SLCO3A1: variants seen among roughly 807,000 people sequenced by gnomAD.
SLCO3A1 encodes PGE1 transporter.
SLCO3A1 carries 27 observed loss-of-function variants against 63.1 expected under a neutral mutation model. That is an observed-to-expected ratio of 0.43 (90% CI 0.32 to 0.59). The LOEUF (loss-of-function observed/expected upper bound fraction) is 0.59, where lower values mean the gene tolerates loss of function less well. Ranked by LOEUF, SLCO3A1 falls within the 20% of genes least tolerant of loss-of-function variation. The pLI, the probability that SLCO3A1 is intolerant of heterozygous loss-of-function variation, is 0.09. For missense variants in SLCO3A1, 773 were observed against 945.8 expected (o/e 0.82, Z 2.40); for synonymous variants, 473 against 409.9 (o/e 1.15, Z -1.86).
intron 2 of SLCO3A1, among the ~76,000 whole-genome samples, chr15:91,996,867 G>T (rs2046198260): frequency 6.6e-6 from 1 of 152,058 alleles, no homozygotes; most frequent in Admixed American, 6.5e-5. Context: ...AGTATGAAAA[G>T]CCAAAAATTT....
At position 92,049,573 on chromosome 15, in the gene SLCO3A1, G is replaced by C. The variant is rs933277503; in HGVS notation, c.647-45308G>C. On this transcript the variant is annotated intron_variant, in intron 2 of 9. Coordinates refer to ENST00000318445, the MANE Select transcript of SLCO3A1 (RefSeq NM_013272.4). ...CATCCTACAAAGTGAAACCACTGGAGATGTGGGCAGACACATCTGTTTCTT... is the reference window on the plus strand; with the variant it reads ...CATCCTACAAAGTGAAACCACTGGACATGTGGGCAGACACATCTGTTTCTT... Among the ~76,000 whole-genome samples, 11 of 152,182 alleles carry C rather than the reference G, an allele frequency of 7.2e-5. 1 individual carries two copies. The highest frequency in any genetic ancestry group is 1.5e-4 in the Non-Finnish European group (10 of 68,032).
chr15:91,920,874 G>C (rs1898820514), intron 2 of SLCO3A1, among the ~76,000 whole-genome samples: 1 of 152,154 alleles, frequency 6.6e-6, no homozygotes, highest in African/African-American at 2.4e-5. Context: ...GGTATCTAAA[G>C]CTTAGTTAGC....
At chr15:92,098,764 G>T (rs1210610798) in intron 3 of SLCO3A1, among the ~76,000 whole-genome samples, 1 of 152,072 alleles carries the variant, frequency 6.6e-6, no homozygotes, top group East Asian at 1.9e-4. Flanking sequence ...TTTGAATCCT[G>T]ACTACACCCC....
rs578007342 is a variant in SLCO3A1 at position 91,907,952 on chromosome 15, G to A, written c.181-8041G>A. Among the ~76,000 whole-genome samples, 4 of 152,266 alleles carry A rather than the reference G, an allele frequency of 2.6e-5. No individual in the cohort carries two copies. The East Asian group carries it at 7.7e-4, about 29-fold the overall frequency. ...GGCAGTACAGAGGCCCAGAGAGAGA[G>A]AGCCAGCAGCTTTCATGATCCTGCT... On this transcript the variant is annotated intron_variant, in intron 1 of 9. Coordinates refer to ENST00000318445, the MANE Select transcript of SLCO3A1 (RefSeq NM_013272.4).
downstream of SLCO3A1, among the ~76,000 whole-genome samples, chr15:92,166,135 G>A (rs1352051047): frequency 6.6e-6 from 1 of 152,122 alleles, no homozygotes; most frequent in Non-Finnish European, 1.5e-5. Context: ...CTCTCTAGGG[G>A]ACAGGGTTTG....
rs1897697259 is a variant in SLCO3A1, at chr15:91,885,364, G to A, written c.181-30629G>A. 6.6e-6 allele frequency among the ~76,000 whole-genome samples: 1 copy of A among 152,210 alleles called. No individual in the cohort carries two copies. Among genetic ancestry groups the A allele is most frequent in the Non-Finnish European group, 1.5e-5 (1 of 68,042 alleles). ...GAGGTCAGGAGCTTCCTAAGCTCCT[G>A]TATCAAGAGACAGAGGACATCTGAA... is the stretch of plus-strand genomic sequence containing the variant. On this transcript the variant is annotated intron_variant, in intron 1 of 9. Coordinates refer to ENST00000318445, the MANE Select transcript of SLCO3A1 (RefSeq NM_013272.4). The surrounding 1 kb of genome is among the most constrained non-coding windows in gnomAD (Gnocchi z 4.7).
chr15:92,026,680 C>T (rs1438903990), intron 2 of SLCO3A1, among the ~76,000 whole-genome samples: 1 of 152,168 alleles, frequency 6.6e-6, no homozygotes, highest in Non-Finnish European at 1.5e-5. Flanking sequence ...AGGAAAGAGA[C>T]ATGTACAAAG....
At chr15:91,949,888 T>C (rs1221632819) in intron 2 of SLCO3A1, among the ~76,000 whole-genome samples, 2 of 152,146 alleles carry the variant, frequency 1.3e-5, no homozygotes, top group Non-Finnish European at 2.9e-5. Context: ...ACACCTGTGT[T>C]TCCAGCTACT....
Position 92,165,520 on chromosome 15 carries a change from T to A in SLCO3A1, c.*2385T>A. Reference sequence around the variant, plus strand: ...GCTTTGAGAGAAAAAAAAAAGAAAGTTTTTTAAACTCTTTGCATTTTGGAT... The same window carrying A: ...GCTTTGAGAGAAAAAAAAAAGAAAGATTTTTAAACTCTTTGCATTTTGGAT... On this transcript the variant is annotated 3_prime_UTR_variant, in exon 10 of 10. Coordinates refer to ENST00000318445, the MANE Select transcript of SLCO3A1 (RefSeq NM_013272.4). 1 of 983,794 alleles carries A rather than the reference T, an allele frequency of 1.0e-6. No individual in the cohort carries two copies. Among genetic ancestry groups the A allele is most frequent in the Non-Finnish European group, 1.2e-6 (1 of 828,698 alleles). 60.9% of individuals were successfully genotyped at this position (983,794 alleles called of 1,614,324 possible).
intron 2 of SLCO3A1, among the ~76,000 whole-genome samples, chr15:92,027,077 G>A (rs1295791809): frequency 1.4e-5 from 2 of 141,562 alleles, no homozygotes; most frequent in African/African-American, 5.4e-5. Flanking sequence ...GTGACAGAGT[G>A]AGACTTTGTC....
intron 7 of SLCO3A1, among the ~76,000 whole-genome samples, chr15:92,139,209 C>T (rs1405106633): frequency 1.3e-5 from 2 of 149,210 alleles, no homozygotes; most frequent in Admixed American, 6.7e-5. Flanking sequence ...TTGTCAAAGG[C>T]TTTTTCTGCA....
In SLCO3A1 at chr15:92,163,361, A is replaced by C; in HGVS notation, c.*226A>C. 2 of 1,184,848 alleles carry C rather than the reference A, an allele frequency of 1.7e-6. No individual in the cohort carries two copies. Among genetic ancestry groups the C allele is most frequent in the Non-Finnish European group, 2.1e-6 (2 of 959,446 alleles). The allele number at this position is 1,184,848 out of a possible 1,614,324, so 73.4% of individuals were successfully genotyped here. On this transcript the variant is annotated 3_prime_UTR_variant, in exon 10 of 10. Coordinates refer to ENST00000318445, the MANE Select transcript of SLCO3A1 (RefSeq NM_013272.4). Reference sequence around the variant, plus strand: ...ATCGTGCGGCAGGGTCCTGGAGGCCACTTGCGCGGCTGGGCCACAGAGTCT... The same window carrying C: ...ATCGTGCGGCAGGGTCCTGGAGGCCCCTTGCGCGGCTGGGCCACAGAGTCT...
chr15:91,855,259 G>T (rs919281718), intron 1 of SLCO3A1, among the ~76,000 whole-genome samples: 1 of 152,096 alleles, frequency 6.6e-6, no homozygotes, highest in Non-Finnish European at 1.5e-5. Context: ...CAGACGCTGG[G>T]GGCTGTATAC....
chr15:92,099,873 C>A (rs994309800), intron 3 of SLCO3A1, among the ~76,000 whole-genome samples: 8 of 151,946 alleles, frequency 5.3e-5, no homozygotes, highest in African/African-American at 1.7e-4. Flanking sequence ...ATCAGACCAG[C>A]CAATATGGTG....
chr15:92,151,553 C>G (rs917241021), intron 9 of SLCO3A1, among the ~76,000 whole-genome samples: 8 of 152,190 alleles, frequency 5.3e-5, no homozygotes, highest in Admixed American at 1.3e-4. Context: ...GTCTGACCCT[C>G]TTGTTTTTAA....
In SLCO3A1 at chr15:91,948,552, A is replaced by C. The variant is rs1222786235; in HGVS notation, c.646+32094A>C. On this transcript the variant is annotated intron_variant, in intron 2 of 9. Transcript: ENST00000318445. The surrounding 1 kb of genome is among the most constrained non-coding windows in gnomAD (Gnocchi z 4.8). ...GAAGTGCAAGTCAGGAGAGGGCCGA[A>C]TGTGCACGAGACTCTGCAGGAAGGC... Among the ~76,000 whole-genome samples the C allele has an allele frequency of 1.3e-5, 2 of 152,216 alleles. No individual in the cohort carries two copies. Among genetic ancestry groups the C allele is most frequent in the Non-Finnish European group, 2.9e-5 (2 of 68,042 alleles).
At chr15:92,030,000 T>C (rs2046627102) in intron 2 of SLCO3A1, among the ~76,000 whole-genome samples, 1 of 152,166 alleles carries the variant, frequency 6.6e-6, no homozygotes, top group Admixed American at 6.5e-5. Flanking sequence ...ATTATTACTC[T>C]AATAAAATGT....
At chr15:92,102,428 G>A (rs182883115) in intron 3 of SLCO3A1, among the ~76,000 whole-genome samples, 151 of 152,282 alleles carry the variant, frequency 9.9e-4, no homozygotes, top group Non-Finnish European at 1.8e-3. Flanking sequence ...AGAGCCTACT[G>A]TGCATCAGGT....
At chr15:91,896,444 A>G (rs1379152818) in intron 1 of SLCO3A1, among the ~76,000 whole-genome samples, 1 of 152,194 alleles carries the variant, frequency 6.6e-6, no homozygotes, top group Non-Finnish European at 1.5e-5. Flanking sequence ...TCCCCATCCA[A>G]ATCTCATCTT....
Sources: allele counts gnomAD v4.1 joint callset (sites outside exome capture counted in the v4.1 genomes callset), GRCh38; gene constraint gnomAD v4.1.1; non-coding constraint Gnocchi (gnomAD v3.1); transcripts MANE v1.5; gene names NCBI Gene and HGNC (gene_info 2026-07-23, HGNC 2026-07-21).